The following HCFC1 variants were observed in gnomAD, a reference collection of about 807,000 sequenced individuals.
HCFC1 encodes host cell factor C1, also known as host cell factor 1.
HCFC1 carries 7 observed loss-of-function variants against 105.5 expected under a neutral mutation model. That is an observed-to-expected ratio of 0.07 (90% CI 0.04 to 0.12). The LOEUF is 0.12. Among genes scored for constraint, HCFC1 ranks in the 10% least tolerant of loss-of-function variants. The pLI, the probability that HCFC1 is intolerant of heterozygous loss-of-function variation, is 1.00. For missense variants in HCFC1, 1,065 were observed against 1,823.6 expected (o/e 0.58, Z 7.58); for synonymous variants, 918 against 828.1 (o/e 1.11, Z -1.86).
At chrX:153,959,714 G>C in intron 8 of HCFC1, 88 bp downstream of exon 8, 2 of 1,095,323 alleles carry the variant, frequency 1.8e-6, no homozygotes, top group Non-Finnish European at 2.4e-6. Context: ...CTGCTGTCTA[G>C]GCTGCCGTCT....
intron 1 of HCFC1, among the ~76,000 whole-genome samples, chrX:153,965,453 C>T (rs1046007446): frequency 2.0e-4 from 22 of 110,568 alleles, no homozygotes; most frequent in Non-Finnish European, 3.8e-4. Flanking sequence ...CAGCAGCCTT[C>T]AGCTGGGACC....
intron 1 of HCFC1, among the ~76,000 whole-genome samples, chrX:153,966,858 G>C (rs1189414170): frequency 8.9e-6 from 1 of 112,689 alleles, no homozygotes; most frequent in African/African-American, 3.2e-5. Flanking sequence ...TTGGGACAAA[G>C]CTAAATGGCA....
Position 153,970,947 on chromosome X carries a change from G to A in HCFC1, c.-107C>T, listed in dbSNP as rs1350106958. ...CTAAGGCAGCTCTCACGGAGAAGCG[G>A]TTTCTCACACAGCGGTAGACGACTC... On this transcript the variant is annotated 5_prime_UTR_variant, in exon 1 of 26. Coordinates refer to ENST00000310441, the MANE Select transcript of HCFC1 (RefSeq NM_005334.3). 32 of 666,049 alleles carry A rather than the reference G, an allele frequency of 4.8e-5. No individual in the cohort carries two copies. Among genetic ancestry groups the A allele is most frequent in the Admixed American group, 1.7e-4 (4 of 23,776 alleles). 54.9% of individuals were successfully genotyped at this position (666,049 alleles called of 1,213,427 possible).
chrX:153,953,330 A>G (rs1392459544), intron 18 of HCFC1, among the ~76,000 whole-genome samples: 2 of 111,930 alleles, frequency 1.8e-5, no homozygotes, highest in East Asian at 5.6e-4. Flanking sequence ...GCCTGGACAA[A>G]TGGGCACTCA....
In HCFC1 at chrX:153,952,861, G is replaced by A. The variant is rs782444319; in HGVS notation, c.4595C>T (p.Ala1532Val). The change falls in exon 19 of 26, where the codon GCC becomes GTC. Residue 1532 changes from alanine to valine, a missense_variant. Physicochemically the swap from Ala to Val is moderately conservative, Grantham distance 64 (BLOSUM62 0). This residue lies in a region of HCFC1 where 546 missense variants were observed against 599.9 expected (regional missense o/e 0.91). Coordinates refer to ENST00000310441, the MANE Select transcript of HCFC1 (RefSeq NM_005334.3). ...SASTALMGES[A>V]EVLSASQTPE... ...GGTCTGGGAGGCTGACAGGACCTCG[G>A]CGGACTCCCCCATCAGGGCTGTGGA... 1 of 1,184,416 alleles carries A rather than the reference G, an allele frequency of 8.4e-7. No individual in the cohort carries two copies. The highest frequency in any genetic ancestry group is 1.1e-6 in the Non-Finnish European group (1 of 882,641).
Position 153,950,316 on chromosome X carries a change from G to A in HCFC1, c.5931C>T (p.Pro1977=), listed in dbSNP as rs782531757. 5.0e-6 allele frequency: 6 copies of A among 1,208,155 alleles called. No homozygotes were observed. The highest frequency in any genetic ancestry group is 1.8e-5 in the South Asian group (1 of 56,699). The change falls in exon 24 of 26, where the codon CCC becomes CCT. Residue 1977 remains proline (P), a synonymous_variant. Transcript: ENST00000310441. ...SNAHIDYTTK[P]AIIFRIAARN... ...GGGCGGCGATGCGGAAGATGATGGCGGGCTTGGTGGTGTAGTCGATGTGGG... is the reference window on the plus strand; with the variant it reads ...GGGCGGCGATGCGGAAGATGATGGCAGGCTTGGTGGTGTAGTCGATGTGGG...
intron 14 of HCFC1, 59 bp downstream of exon 14, chrX:153,956,859 G>C: frequency 8.3e-7 from 1 of 1,203,218 alleles, no homozygotes; most frequent in South Asian, 1.8e-5. Flanking sequence ...GACCTGCGTG[G>C]CGTGCTGGGG....
intron 5 of HCFC1, 63 bp from the exon 6 acceptor site, chrX:153,961,711 T>C: frequency 1.2e-6 from 1 of 815,149 alleles, no homozygotes; most frequent in Non-Finnish European, 1.8e-6. Flanking sequence ...AGAGGCCACC[T>C]CTGCTACCCC....
chrX:153,957,008 C>T lies in HCFC1; in HGVS notation c.2406G>A (p.Lys802=). 1.7e-6 allele frequency: 2 copies of T among 1,210,451 alleles called. No homozygotes were observed. The highest frequency in any genetic ancestry group is 2.2e-6 in the Non-Finnish European group (2 of 895,046). The change falls in exon 14 of 26, where the codon AAG becomes AAA. Residue 802 remains lysine (K), a synonymous_variant. Transcript: ENST00000310441. ...GTGCTCCAGTTCCTGAAGTCATCAC[C>T]TTGGTGGTGATGATGGTGATGGGGG... ...IKSPITIITT[K]VMTSGTGAPA... is the part of the protein sequence containing the mutation.
intron 6 of HCFC1, among the ~76,000 whole-genome samples, chrX:153,960,950 TCAGCCGCATCGGA>T (rs1293632790): frequency 8.9e-6 from 1 of 112,465 alleles, no homozygotes; most frequent in Admixed American, 9.3e-5. Context: ...GCAGGGCAGT[TCAGCCGCATCGGA>T]CAGCAACCCT....
At chrX:153,961,478 A>T in intron 6 of HCFC1, 64 bp downstream of exon 6, 1 of 789,802 alleles carries the variant, frequency 1.3e-6, no homozygotes, top group Non-Finnish European at 1.9e-6. Flanking sequence ...CACAGCTCTT[A>T]GGCTGAGAAG....
chrX:153,965,229 C>T (rs1018115927), intron 1 of HCFC1, among the ~76,000 whole-genome samples: 9 of 111,410 alleles, frequency 8.1e-5, no homozygotes, highest in African/African-American at 2.3e-4. Flanking sequence ...TCTGACCTCC[C>T]GGACTTCCTC....
rs781898626 is a variant in HCFC1 at position 153,952,736 on chromosome X, G to A, written c.4720C>T (p.Pro1574Ser). 8.3e-7 allele frequency: 1 copy of A among 1,208,458 alleles called. No individual in the cohort carries two copies. The highest frequency in any genetic ancestry group is 1.8e-5 in the South Asian group (1 of 56,837). Residue 1574 changes from proline to serine, a missense_variant, in exon 19 of 26, where the codon CCA becomes TCA. By Grantham distance (74) the Pro-to-Ser change is moderately conservative. Coordinates refer to ENST00000310441, the MANE Select transcript of HCFC1 (RefSeq NM_005334.3). The stretch of plus-strand genomic sequence containing the variant: ...ACTTCGGACTGTGTGGGTGGGGGTG[G>A]CTGGACCACCACAGTGGCCACCACC... Reference protein sequence around the residue: ...SAVVATVVVQPPPPTQSEVDQ... With the variant: ...SAVVATVVVQSPPPTQSEVDQ...
intron 16 of HCFC1, 61 bp downstream of exon 16, chrX:153,956,130 C>A: frequency 9.5e-7 from 1 of 1,049,637 alleles, no homozygotes; most frequent in Admixed American, 2.2e-5. Flanking sequence ...CGGCGTGAGC[C>A]TCACGTGCTT....
rs182541172 is a variant in HCFC1, at chrX:153,955,444, C to T, written c.2955G>A (p.Pro985=). ...HDLPVSILAS[P]TTEQPTATVT... ...CTGTGGCGGTGGGCTGTTCTGTAGTCGGGGAGGCCAGAATGGACACAGGGA... is the reference window on the plus strand; with the variant it reads ...CTGTGGCGGTGGGCTGTTCTGTAGTTGGGGAGGCCAGAATGGACACAGGGA... Residue 985 remains proline (P), a synonymous_variant, in exon 17 of 26, where the codon CCG becomes CCA. Transcript: ENST00000310441. 28 of 1,207,700 alleles carry T rather than the reference C, an allele frequency of 2.3e-5. No individual in the cohort carries two copies. In the African/African-American group the frequency reaches 2.6e-4, roughly 11 times the overall value.
rs782412096 is a variant in HCFC1 at position 153,957,752 on chromosome X, C to A, written c.2133+30G>T. On this transcript the variant is annotated intron_variant, in intron 12 of 25. Transcript: ENST00000310441. ...GTGGCCTGGCACCCAGGCCCCCACT[C>A]TTGCGTATGTGCAAAGACTGAGAGC... is the stretch of plus-strand genomic sequence containing the variant. The A allele has an allele frequency of 2.7e-6, 3 of 1,108,190 alleles. No homozygotes were observed. The East Asian group carries it at 9.0e-5, about 33-fold the overall frequency. 91.3% of individuals were successfully genotyped at this position (1,108,190 alleles called of 1,213,427 possible). A position where few individuals can be genotyped will look rare whatever the true frequency, so the allele number is the denominator to read the frequency against.
At chrX:153,969,120 TG>T (rs1452829906) in intron 1 of HCFC1, among the ~76,000 whole-genome samples, 1 of 111,112 alleles carries the variant, frequency 9.0e-6, no homozygotes, top group Non-Finnish European at 1.9e-5. Flanking sequence ...CTTTCTGCCT[TG>T]GGGGGTGGGG....
intron 1 of HCFC1, among the ~76,000 whole-genome samples, chrX:153,968,843 A>G (rs1269418651): frequency 1.8e-5 from 2 of 112,181 alleles, no homozygotes; most frequent in East Asian, 5.6e-4. Flanking sequence ...GGTGCTGCTC[A>G]TGGTGACGGT....
chrX:153,951,731 G>A (rs782505785), intron 20 of HCFC1, 24 bp from the exon 21 acceptor site: 19 of 1,188,377 alleles, frequency 1.6e-5, no homozygotes, highest in South Asian at 3.7e-5. Flanking sequence ...AGGTGTCAGC[G>A]GGAAAGACTC....
Sources: gnomAD v4.1 joint callset for allele counts (sites outside exome capture counted in the v4.1 genomes callset) on GRCh38, gnomAD v4.1.1 for gene constraint, gnomAD v4.1.1 regional missense constraint, MANE v1.5 for transcripts, NCBI Gene and HGNC (gene_info 2026-07-23, HGNC 2026-07-21) for gene names.